The following ACP1 variants were observed in gnomAD, a reference collection of about 807,000 sequenced individuals.
ACP1 encodes the protein acid phosphatase 1.
ACP1 carries 23 observed loss-of-function variants against 23.4 expected under a neutral mutation model. The observed-to-expected ratio is 0.98, with a 90% CI of 0.71 to 1.39. The LOEUF (loss-of-function observed/expected upper bound fraction) is 1.39. ACP1 is among the 40% of genes most tolerant of loss of function. The probability of loss-of-function intolerance (pLI) is 0.00; values close to 1 mark genes in which losing one functional copy is unlikely to be tolerated. For missense variants in ACP1, 180 were observed against 197.7 expected, an observed-to-expected ratio of 0.91 and a Z score of 0.54; for synonymous variants, 72 against 67.2, an observed-to-expected ratio of 1.07 and a Z score of -0.35.
At chr2:267,216 A>T (rs1223757407) in intron 1 of ACP1, among the ~76,000 whole-genome samples, 2 of 152,220 alleles carry the variant, frequency 1.3e-5, no homozygotes, top group African/African-American at 4.8e-5. Flanking sequence ...GTATTTCAAT[A>T]CAATTCAGTG....
intron 1 of ACP1, among the ~76,000 whole-genome samples, chr2:270,819 A>G (rs1670008326): frequency 6.6e-6 from 1 of 150,650 alleles, no homozygotes; most frequent in Non-Finnish European, 1.5e-5. Flanking sequence ...ACCTCCCAGA[A>G]TGTGCCCTAT....
chr2:265,159 G>A, intron 1 of ACP1, 152 bp downstream of exon 1: 1 of 832,546 alleles, frequency 1.2e-6, no homozygotes, highest in Non-Finnish European at 1.8e-6. Flanking sequence ...GTGCCGCAGC[G>A]CCCCTGTTCC....
intron 1 of ACP1, among the ~76,000 whole-genome samples, chr2:268,425 A>G (rs764811051): frequency 5.9e-5 from 9 of 152,236 alleles, no homozygotes; most frequent in Non-Finnish European, 1.0e-4. Flanking sequence ...GCTCCTTACT[A>G]CAGCACAATT....
chr2:265,216 C>T (rs1238670134), intron 1 of ACP1: 1 of 517,598 alleles, frequency 1.9e-6, no homozygotes. Context: ...AACCTGGGTC[C>T]CCTCGCGCCT....
chr2:271,113 G>A (rs952770209), intron 1 of ACP1, among the ~76,000 whole-genome samples: 1 of 152,086 alleles, frequency 6.6e-6, no homozygotes, highest in African/African-American at 2.4e-5. Context: ...GCATGTGATC[G>A]CTCAGTAAAT....
chr2:272,234 C>T (rs776315355), intron 3 of ACP1, 84 bp downstream of exon 3: 13 of 1,614,006 alleles, frequency 8.1e-6, no homozygotes, highest in African/African-American at 1.3e-5. Context: ...GAACGTGGGC[C>T]GGTCCCCAGA....
intron 1 of ACP1, among the ~76,000 whole-genome samples, chr2:267,214 A>G (rs763036246): frequency 4.6e-5 from 7 of 152,222 alleles, no homozygotes; most frequent in African/African-American, 1.4e-4. Context: ...TTGTATTTCA[A>G]TACAATTCAG....
At chr2:267,424 G>C in intron 1 of ACP1, among the ~76,000 whole-genome samples, 1 of 152,204 alleles carries the variant, frequency 6.6e-6, no homozygotes, top group Non-Finnish European at 1.5e-5. Context: ...GTGGAGTGCA[G>C]TTTTGAGTGG....
At chr2:272,730 A>T (rs1670081052) in intron 3 of ACP1, 1 of 190,196 alleles carries the variant, frequency 5.3e-6, no homozygotes. Context: ...TACCAGCAAC[A>T]TTATGGATAT....
intron 4 of ACP1, 140 bp from the exon 5 acceptor site, chr2:276,840 C>T (rs986751019): frequency 4.9e-6 from 3 of 616,206 alleles, no homozygotes; most frequent in African/African-American, 3.7e-5. Flanking sequence ...CCACACGGGC[C>T]TGCTGAGTGT....
chr2:266,098 A>G (rs1669872573), intron 1 of ACP1, among the ~76,000 whole-genome samples: 1 of 152,058 alleles, frequency 6.6e-6, no homozygotes, highest in Non-Finnish European at 1.5e-5. Context: ...GTGATTCCTT[A>G]TCGACATCTT....
chr2:275,238 T>TGGG, intron 4 of ACP1, 37 bp downstream of exon 4: 1 of 1,313,416 alleles, frequency 7.6e-7, no homozygotes, highest in Non-Finnish European at 1.1e-6. Flanking sequence ...TGTTCAACTC[T>TGGG]CAGTTCAGCA....
intron 1 of ACP1, among the ~76,000 whole-genome samples, chr2:265,550 T>C (rs994398263): frequency 1.9e-4 from 29 of 151,926 alleles, no homozygotes; most frequent in African/African-American, 6.8e-4. Flanking sequence ...AATGAAAGTG[T>C]ATTTTATTAA....
chr2:269,447 C>G, intron 1 of ACP1: 1 of 426,698 alleles, frequency 2.3e-6, no homozygotes, highest in Non-Finnish European at 4.8e-6. Flanking sequence ...TTTTACAACA[C>G]TAGAAGATCC....
chr2:277,643 GTTGAGACTTAGATAATCGAGTCTACCTC>G lies in ACP1; in HGVS notation c.*342_*369del. 1 of 311,258 alleles carries G rather than the reference GTTGAGACTTAGATAATCGAGTCTACCTC, an allele frequency of 3.2e-6. No individual in the cohort carries two copies. Among genetic ancestry groups the G allele is most frequent in the South Asian group, 3.6e-5 (1 of 28,024 alleles). The allele number at this position is 311,258 out of a possible 1,614,324, so 19.3% of individuals were successfully genotyped here. A position where few individuals can be genotyped will look rare whatever the true frequency, so the allele number is the denominator to read the frequency against. On this transcript the variant is annotated 3_prime_UTR_variant, in exon 6 of 6. Coordinates refer to ENST00000272065, the MANE Select transcript of ACP1 (RefSeq NM_004300.4). ...AAGGCCCAGGTCAACATCTAAGCCT[GTTGAGACTTAGATAATCGAGTCTACCTC>G]TTCAGTAGGTTTGTGTGGATGGCCT... is the stretch of plus-strand genomic sequence containing the variant.
intron 1 of ACP1, chr2:266,146 G>A (rs1669874828): frequency 6.6e-6 from 1 of 152,178 alleles, no homozygotes; most frequent in African/African-American, 2.4e-5. Flanking sequence ...TTGATAGTCT[G>A]TTGAAATCCC....
intron 3 of ACP1, chr2:272,526 A>G: frequency 2.9e-6 from 4 of 1,381,222 alleles, no homozygotes. Context: ...TAGGTAATTT[A>G]TAATGAGAGA....
At chr2:267,276 T>A (rs1288781147) in intron 1 of ACP1, among the ~76,000 whole-genome samples, 1 of 152,200 alleles carries the variant, frequency 6.6e-6, no homozygotes, top group Non-Finnish European at 1.5e-5. Context: ...TTCCTCTAAG[T>A]GGTGTGGTGA....
chr2:266,287 G>T (rs1285516836), intron 1 of ACP1: 1 of 152,174 alleles, frequency 6.6e-6, no homozygotes, highest in Non-Finnish European at 1.5e-5. Context: ...CGAATTAGAA[G>T]GCTTACCTTG....
Sources: gnomAD v4.1 joint callset for allele counts (sites outside exome capture counted in the v4.1 genomes callset) on GRCh38, gnomAD v4.1.1 for gene constraint, MANE v1.5 for transcripts, NCBI Gene and HGNC (gene_info 2026-07-23, HGNC 2026-07-21) for gene names.